Variants in TAB1 observed in about 807,000 individuals in gnomAD.
The protein encoded by TAB1 is TGF-beta activated kinase 1 (MAP3K7) binding protein 1.
Under a neutral mutation model 54.5 loss-of-function variants are expected in TAB1, and 30 were observed. The ratio of observed to expected loss-of-function variants is 0.55; its 90% CI spans 0.41 to 0.75. The LOEUF is 0.75. Ranked by LOEUF, TAB1 falls within the 30% of genes least tolerant of loss-of-function variation. The pLI is 0.00. For missense variants in TAB1, 609 were observed against 683.2 expected (o/e 0.89, Z 1.21); for synonymous variants, 289 against 286.9 (o/e 1.01, Z -0.07).
intron 3 of TAB1, among the ~76,000 whole-genome samples, chr22:39,416,164 G>C (rs527583288): frequency 2.0e-5 from 3 of 152,156 alleles, no homozygotes; most frequent in Non-Finnish European, 2.9e-5. Context: ...TTTCAGATGA[G>C]AAGATGGGCT....
intron 8 of TAB1, 120 bp downstream of exon 8, chr22:39,422,091 A>C: frequency 1.0e-6 from 1 of 981,656 alleles, no homozygotes; most frequent in South Asian, 2.0e-5. Context: ...CTCTGGGTTC[A>C]AAGCTGGGGG....
Position 39,415,053 on chromosome 22 carries a change from TG to T in TAB1, c.85del (p.Val29LeufsTer48). 2 of 1,614,068 alleles carry T rather than the reference TG, an allele frequency of 1.2e-6. No homozygotes were observed. Among genetic ancestry groups the T allele is most frequent in the Non-Finnish European group, 1.7e-6 (2 of 1,179,954 alleles). On this transcript the variant is annotated frameshift_variant, in exon 2 of 11. Coordinates refer to ENST00000216160, the MANE Select transcript of TAB1 (RefSeq NM_006116.3). LOFTEE classifies it high-confidence loss of function. This position sits in a 1 kb window ranked among gnomAD's most constrained non-coding sequence, Gnocchi z 4.9. ...ATGACCTGCCTCTCTGCCACCTCTC[TG>T]GGGTTGGCTCAGCCTCCAACCGCAG... is the stretch of plus-strand genomic sequence containing the variant. ...TDDLPLCHLS[G>X]VGSASNRSYS... is the part of the protein sequence containing the mutation.
chr22:39,431,427 C>G lies in TAB1; in HGVS notation c.*1205C>G. The G allele has an allele frequency of 1.0e-6, 1 of 985,560 alleles. No homozygotes were observed. 61.1% of individuals were successfully genotyped at this position (985,560 alleles called of 1,614,324 possible). A position where few individuals can be genotyped will look rare whatever the true frequency, so the allele number is the denominator to read the frequency against. ...CAGACCTGAGCCATTTTGTCAGTATCCAGGACCCCCCGGATTCTCCACGCC... is the reference window on the plus strand; with the variant it reads ...CAGACCTGAGCCATTTTGTCAGTATGCAGGACCCCCCGGATTCTCCACGCC... On this transcript the variant is annotated 3_prime_UTR_variant, in exon 11 of 11. Coordinates refer to ENST00000216160, the MANE Select transcript of TAB1 (RefSeq NM_006116.3).
At chr22:39,414,911 G>T in intron 1 of TAB1, 95 bp from the exon 2 acceptor site, 1 of 1,452,712 alleles carries the variant, frequency 6.9e-7, no homozygotes, top group Non-Finnish European at 9.5e-7. Flanking sequence ...TAGGGCTGCG[G>T]GCCTGCTAGG....
chr22:39,429,899 C>G, intron 10 of TAB1, 116 bp from the exon 11 acceptor site: 1 of 1,539,774 alleles, frequency 6.5e-7, no homozygotes, highest in East Asian at 2.3e-5. Flanking sequence ...TCACCTCTGC[C>G]AGAAAGGCCT....
At position 39,421,926 on chromosome 22, in the gene TAB1, G is replaced by A. The variant is rs370568190; in HGVS notation, c.876G>A (p.Leu292=). The change falls in exon 8 of 11, where the codon TTG becomes TTA. Residue 292 remains leucine (L), a synonymous_variant. Transcript: ENST00000216160. The stretch of plus-strand genomic sequence containing the variant: ...TCTTGGTGCTGATGTCGGAGGGGTT[G>A]TACAAGGCCCTAGAGGCAGCCCATG... ...TGFLVLMSEG[L]YKALEAAHGP... 8 of 1,609,444 alleles carry A rather than the reference G, an allele frequency of 5.0e-6. No homozygotes were observed. The highest frequency in any genetic ancestry group is 6.8e-6 in the Non-Finnish European group (8 of 1,177,904).
chr22:39,414,844 C>G, intron 1 of TAB1, 162 bp from the exon 2 acceptor site: 1 of 702,398 alleles, frequency 1.4e-6, no homozygotes, highest in South Asian at 1.9e-5. Flanking sequence ...AACCCTTCTG[C>G]AGGTGTCTGT....
chr22:39,413,815 G>C (rs4821894), intron 1 of TAB1, among the ~76,000 whole-genome samples: 117,893 of 152,188 alleles, frequency 0.77, 46,686 homozygotes, highest in East Asian at 1. Flanking sequence ...TGGGAGTGCC[G>C]TTGTGAACAA....
At chr22:39,425,895 C>T (rs1447891161) in intron 8 of TAB1, among the ~76,000 whole-genome samples, 1 of 142,840 alleles carries the variant, frequency 7.0e-6, no homozygotes, top group Non-Finnish European at 1.5e-5. Context: ...TTTTTTGAGA[C>T]AGAGTCTTGC....
At chr22:39,406,808 T>G (rs1370360529) in intron 1 of TAB1, among the ~76,000 whole-genome samples, 8 of 152,104 alleles carry the variant, frequency 5.3e-5, no homozygotes, top group Admixed American at 5.2e-4. Context: ...AATTTTTTTG[T>G]ATTTTTAGTA....
downstream of TAB1, chr22:39,433,692 C>T (rs867604796): frequency 1.7e-5 from 17 of 985,282 alleles, no homozygotes; most frequent in East Asian, 4.5e-4. Context: ...AGGCTCCCCA[C>T]GATGCCCGTG....
chr22:39,434,248 C>G (rs1250226048), downstream of TAB1, among the ~76,000 whole-genome samples: 1 of 152,258 alleles, frequency 6.6e-6, no homozygotes, highest in East Asian at 1.9e-4. Flanking sequence ...AGATGTCCAC[C>G]CATCCACCAC....
At chr22:39,406,169 G>T (rs1171588450) in intron 1 of TAB1, among the ~76,000 whole-genome samples, 1 of 152,152 alleles carries the variant, frequency 6.6e-6, no homozygotes, top group Non-Finnish European at 1.5e-5. Context: ...GGAGGCCAAG[G>T]CGTGTGGATC....
intron 7 of TAB1, among the ~76,000 whole-genome samples, chr22:39,421,256 G>A (rs1601695153): frequency 6.6e-6 from 1 of 151,952 alleles, no homozygotes; most frequent in Admixed American, 6.6e-5. Context: ...TGTAATAACC[G>A]CTCCCAGGGC....
intron 8 of TAB1, among the ~76,000 whole-genome samples, chr22:39,426,120 A>G (rs1406190895): frequency 1.3e-5 from 2 of 152,156 alleles, no homozygotes; most frequent in Admixed American, 6.5e-5. Context: ...CAGCCTCCCA[A>G]AGTGCTGGGA....
intron 4 of TAB1, 42 bp from the exon 5 acceptor site, chr22:39,417,669 C>A: frequency 6.5e-7 from 1 of 1,534,618 alleles, no homozygotes; most frequent in African/African-American, 1.4e-5. Flanking sequence ...GGAAGATGGT[C>A]CAGAGTTCTG....
At chr22:39,408,711 C>T (rs1038104612) in intron 1 of TAB1, among the ~76,000 whole-genome samples, 13 of 152,160 alleles carry the variant, frequency 8.5e-5, no homozygotes, top group African/African-American at 3.1e-4. Flanking sequence ...CCATATTGGC[C>T]AGGCTGGTCT....
At chr22:39,419,411 A>T in intron 6 of TAB1, 108 bp from the exon 7 acceptor site, 2 of 880,620 alleles carry the variant, frequency 2.3e-6, no homozygotes, top group Non-Finnish European at 3.5e-6. Context: ...TTCATTTCCT[A>T]TTCAGTGGGT....
chr22:39,403,201 C>G (rs1304557181), intron 1 of TAB1, among the ~76,000 whole-genome samples: 2 of 152,218 alleles, frequency 1.3e-5, no homozygotes, highest in Non-Finnish European at 2.9e-5. Flanking sequence ...GTAAAGGGGA[C>G]AGACAGTGAG....
Sources: allele counts gnomAD v4.1 joint callset (sites outside exome capture counted in the v4.1 genomes callset), GRCh38; gene constraint gnomAD v4.1.1; non-coding constraint Gnocchi (gnomAD v3.1); transcripts MANE v1.5; gene names NCBI Gene and HGNC (gene_info 2026-07-23, HGNC 2026-07-21).